Variants in CDK5RAP2 observed in about 807,000 individuals in gnomAD.
The protein encoded by CDK5RAP2 is CDK5 regulatory subunit-associated protein 2.
In CDK5RAP2, 147 loss-of-function variants were observed where a neutral mutation model predicts 232.9. The observed-to-expected ratio is 0.63, with a 90% confidence interval of 0.55 to 0.72. The LOEUF is 0.72. Among genes scored for constraint, CDK5RAP2 ranks in the 30% least tolerant of loss-of-function variants. CDK5RAP2 has a pLI of 0.00. For missense variants in CDK5RAP2, 2,195 were observed against 2,231.5 expected, an observed-to-expected ratio of 0.98 and a Z score of 0.33; for synonymous variants, 833 against 833.7, an observed-to-expected ratio of 1.00 and a Z score of 0.01.
intron 12 of CDK5RAP2, among the ~76,000 whole-genome samples, chr9:120,508,574 T>G (rs1211150125): frequency 6.6e-6 from 1 of 152,228 alleles, no homozygotes; most frequent in African/African-American, 2.4e-5. Context: ...CTTTCACCAG[T>G]TGCCCCCTTC....
intron 22 of CDK5RAP2, among the ~76,000 whole-genome samples, chr9:120,445,499 A>G (rs1410316371): frequency 5.3e-5 from 8 of 152,110 alleles, no homozygotes; most frequent in African/African-American, 1.9e-4. Flanking sequence ...TCTCTCTGCA[A>G]CCCATGCCAA....
intron 18 of CDK5RAP2, among the ~76,000 whole-genome samples, chr9:120,465,443 G>C (rs1267713310): frequency 2.0e-5 from 3 of 152,044 alleles, no homozygotes; most frequent in Non-Finnish European, 2.9e-5. Context: ...TTTGTTTGGT[G>C]GTGTCTACGT....
At chr9:120,549,688 C>T (rs10739566) in intron 4 of CDK5RAP2, among the ~76,000 whole-genome samples, 149,012 of 152,314 alleles carry the variant, frequency 0.98, 72,958 homozygotes, top group East Asian at 1. Context: ...GAGTTGGCAA[C>T]AGACACGTTT....
intron 28 of CDK5RAP2, among the ~76,000 whole-genome samples, chr9:120,412,913 C>T (rs1436726640): frequency 6.6e-6 from 1 of 152,208 alleles, no homozygotes; most frequent in Non-Finnish European, 1.5e-5. Context: ...TTCCTCCACT[C>T]TCCCCTGCGA....
At chr9:120,576,018 T>C (rs1024014205) in intron 1 of CDK5RAP2, among the ~76,000 whole-genome samples, 65 of 152,348 alleles carry the variant, frequency 4.3e-4, no homozygotes, top group African/African-American at 1.5e-3. Context: ...CCTTCATCCT[T>C]GAAATGTTTT....
In CDK5RAP2 at chr9:120,568,361, A is replaced by G; in HGVS notation, c.155T>C (p.Val52Ala). The G allele has an allele frequency of 1.2e-6, 2 of 1,613,924 alleles. No homozygotes were observed. Among genetic ancestry groups the G allele is most frequent in the Non-Finnish European group, 1.7e-6 (2 of 1,179,752 alleles). Residue 52 changes from valine (V) to alanine (A), a missense_variant, in exon 3 of 38, where the codon GTG (valine) becomes GCG (alanine). By Grantham distance (64) the Val-to-Ala change is moderately conservative. Transcript: ENST00000349780. ...CATGTTCCGTGCTCTGGTGGGAGAC[A>G]CTGTTTCTTCTGACACATTTGGGAG... ...GLLPNVSEET[V>A]SPTRARNMKD... is the part of the protein sequence containing the mutation.
chr9:120,466,379 G>C (rs763761534), intron 18 of CDK5RAP2, among the ~76,000 whole-genome samples: 2 of 152,154 alleles, frequency 1.3e-5, no homozygotes, highest in African/African-American at 4.8e-5. Context: ...CATTCTGGGG[G>C]ATGATGGGGA....
At chr9:120,494,396 T>C (rs1019367788) in intron 12 of CDK5RAP2, among the ~76,000 whole-genome samples, 1 of 152,036 alleles carries the variant, frequency 6.6e-6, no homozygotes, top group Non-Finnish European at 1.5e-5. Flanking sequence ...GAAAACATAA[T>C]ACGAAATGAG....
intron 14 of CDK5RAP2, among the ~76,000 whole-genome samples, chr9:120,481,937 C>T (rs185188108): frequency 1.0e-3 from 157 of 152,306 alleles, no homozygotes; most frequent in Admixed American, 1.6e-3. Flanking sequence ...GAGGCAAACA[C>T]TTGATATATG....
intron 23 of CDK5RAP2, 130 bp downstream of exon 23, chr9:120,443,490 G>T: frequency 9.2e-7 from 1 of 1,084,428 alleles, no homozygotes; most frequent in Non-Finnish European, 1.4e-6. Context: ...AGCTTCCCAT[G>T]TGTTAGACTG....
intron 18 of CDK5RAP2, 71 bp from the exon 19 acceptor site, chr9:120,460,738 T>A: frequency 6.3e-7 from 1 of 1,596,818 alleles, no homozygotes; most frequent in Non-Finnish European, 8.5e-7. Context: ...TATGAATAAG[T>A]CAGTGATGTC....
intron 18 of CDK5RAP2, among the ~76,000 whole-genome samples, chr9:120,463,251 G>A (rs1045793815): frequency 6.6e-6 from 1 of 152,108 alleles, no homozygotes; most frequent in African/African-American, 2.4e-5. Context: ...GGCGCCTGTA[G>A]TCCCAGCTAC....
chr9:120,419,170 A>G (rs1255362900), intron 27 of CDK5RAP2, among the ~76,000 whole-genome samples: 5 of 152,232 alleles, frequency 3.3e-5, no homozygotes, highest in Non-Finnish European at 5.9e-5. Flanking sequence ...ACCTGGAAGA[A>G]GGCCCTCACC....
chr9:120,474,289 C>T (rs1184720230), intron 15 of CDK5RAP2, among the ~76,000 whole-genome samples: 3 of 152,152 alleles, frequency 2.0e-5, no homozygotes, highest in African/African-American at 7.2e-5. Context: ...GCCAAGATTG[C>T]TGATTTTCAT....
intron 1 of CDK5RAP2, among the ~76,000 whole-genome samples, chr9:120,573,998 C>T (rs1013138356): frequency 6.6e-6 from 1 of 152,196 alleles, no homozygotes; most frequent in Non-Finnish European, 1.5e-5. Context: ...GTACCAGAGC[C>T]ATTACATTAA....
chr9:120,578,054 G>A (rs570613715), intron 1 of CDK5RAP2, among the ~76,000 whole-genome samples: 2 of 152,316 alleles, frequency 1.3e-5, no homozygotes, highest in African/African-American at 4.8e-5. Context: ...CAGATCATGA[G>A]ATCAGGAGAT....
chr9:120,529,873 G>A (rs545672488), intron 8 of CDK5RAP2, 105 bp downstream of exon 8: 219 of 1,098,810 alleles, frequency 2.0e-4, no homozygotes, highest in South Asian at 2.4e-4. Flanking sequence ...CTCATATTTA[G>A]AAGCAGGCTG....
chr9:120,516,669 T>C (rs1240907916), intron 12 of CDK5RAP2, among the ~76,000 whole-genome samples: 5 of 151,814 alleles, frequency 3.3e-5, no homozygotes, highest in East Asian at 1.9e-4. Flanking sequence ...CCACAAAAAA[T>C]AAAAATTAAA....
At chr9:120,448,188 C>T in intron 21 of CDK5RAP2, 62 bp from the exon 22 acceptor site, 1 of 1,325,922 alleles carries the variant, frequency 7.5e-7, no homozygotes, top group Non-Finnish European at 1.1e-6. Context: ...GTTGCACAGT[C>T]AACATTCTCA....
Sources: allele counts gnomAD v4.1 joint callset (sites outside exome capture counted in the v4.1 genomes callset), GRCh38; gene constraint gnomAD v4.1.1; transcripts MANE v1.5; gene names NCBI Gene and HGNC (gene_info 2026-07-23, HGNC 2026-07-21).